Variants in SYNE1 observed in about 807,000 individuals in gnomAD.
The protein encoded by SYNE1 is nesprin-1.
Under a neutral mutation model 1,111.0 loss-of-function variants are expected in SYNE1, and 616 were observed. The observed-to-expected ratio is 0.55, with a 90% CI of 0.52 to 0.59. SYNE1 has a LOEUF of 0.59. SYNE1 is among the 20% of genes least tolerant of loss of function. The pLI is 0.00. For missense variants in SYNE1, 10,006 were observed against 10,417.0 expected (o/e 0.96, Z 1.72); for synonymous variants, 3,855 against 3,825.8 (o/e 1.01, Z -0.28).
At chr6:152,543,417 A>G (rs1398432689) in intron 3 of SYNE1, among the ~76,000 whole-genome samples, 7 of 152,184 alleles carry the variant, frequency 4.6e-5, no homozygotes, top group Non-Finnish European at 1.0e-4. Context: ...CTCATTTTTT[A>G]TGTAAAACTT....
chr6:152,386,961 CCA>C (rs2097535178), intron 54 of SYNE1, 109 bp downstream of exon 54: 1 of 949,900 alleles, frequency 1.1e-6, no homozygotes, highest in Non-Finnish European at 1.5e-6. Flanking sequence ...ACAATTTAAT[CCA>C]CAGTTTCTTC....
intron 43 of SYNE1, 75 bp downstream of exon 43, chr6:152,409,484 G>C: frequency 1.9e-6 from 3 of 1,561,068 alleles, no homozygotes; most frequent in Non-Finnish European, 2.6e-6. Flanking sequence ...TAAGAATAGT[G>C]CAGATAACTG....
Position 152,409,649 on chromosome 6 carries a change from A to G in SYNE1, c.6291T>C (p.Ala2097=), listed in dbSNP as rs767090248. ...LMREYQNLKS[A]VSKVLENASS... Reference sequence around the variant, plus strand: ...TGGCATTTTCTAAGACTTTAGATACAGCTGATTTCAGGTTCTGATATTCTC... The same window carrying G: ...TGGCATTTTCTAAGACTTTAGATACGGCTGATTTCAGGTTCTGATATTCTC... The change falls in exon 43 of 146, where the codon GCT becomes GCC. Residue 2097 remains alanine (A), a synonymous_variant. Transcript: ENST00000367255. The G allele has an allele frequency of 1.9e-6, 3 of 1,613,890 alleles. No homozygotes were observed. The Admixed American group carries it at 5.0e-5, about 27-fold the overall frequency.
At chr6:152,198,253 C>T (rs141598027) in intron 127 of SYNE1, among the ~76,000 whole-genome samples, 130 of 152,280 alleles carry the variant, frequency 8.5e-4, no homozygotes, top group African/African-American at 2.9e-3. Context: ...TGCCTGCTTC[C>T]ATCTTTTCTT....
rs2295191 is a variant in SYNE1 at position 152,122,621 on chromosome 6, C to T, written c.26209G>A (p.Gly8737Ser). 13,585 of 1,614,110 alleles carry T rather than the reference C, an allele frequency of 8.4e-3. 518 individuals carry two copies. In the East Asian group the frequency reaches 0.11, roughly 13 times the overall value. The part of the protein sequence containing the change: ...SLSEPGPGRS[G>S]RGFLFRVLRA... ...AGGACTCTGAACAGGAAGCCGCGGCCGGACCGACCTGGCCCTGGCTCAGAA... is the reference window on the plus strand; with the variant it reads ...AGGACTCTGAACAGGAAGCCGCGGCTGGACCGACCTGGCCCTGGCTCAGAA... The change falls in exon 146 of 146, where the codon GGC becomes AGC. Residue 8737 changes from glycine (G) to serine (S), a missense_variant. This residue lies in a region of SYNE1 where 761 missense variants were observed against 795.5 expected (regional missense o/e 0.96). Coordinates refer to ENST00000367255, the MANE Select transcript of SYNE1 (RefSeq NM_182961.4).
chr6:152,326,209 G>T, intron 79 of SYNE1, 87 bp downstream of exon 79: 3 of 1,610,582 alleles, frequency 1.9e-6, no homozygotes, highest in Non-Finnish European at 1.7e-6. Context: ...ATGAATTTAC[G>T]TGCTAATGTA....
At chr6:152,582,962 T>C (rs1045132956) in intron 3 of SYNE1, among the ~76,000 whole-genome samples, 1 of 152,212 alleles carries the variant, frequency 6.6e-6, no homozygotes. Flanking sequence ...TATTTAGTAA[T>C]TGTTTTGCTA....
At chr6:152,420,947 A>C (rs2098249577) in intron 39 of SYNE1, among the ~76,000 whole-genome samples, 1 of 152,216 alleles carries the variant, frequency 6.6e-6, no homozygotes, top group African/African-American at 2.4e-5. Flanking sequence ...AATGTATGGT[A>C]ATATAGTTAT....
chr6:152,439,724 T>C lies in SYNE1; in HGVS notation c.4149+1406A>G, dbSNP rs1426995124. Among the ~76,000 whole-genome samples the C allele has an allele frequency of 2.0e-5, 3 of 152,182 alleles. No individual in the cohort carries two copies. In the East Asian group the frequency reaches 5.8e-4, roughly 29 times the overall value. ...AACAGAAACACAAAGGTTTTCTTGC[T>C]AAAGGCTAGGGAAGGGTGGGCACAA... is the stretch of plus-strand genomic sequence containing the variant. On this transcript the variant is annotated intron_variant, in intron 32 of 145. Transcript: ENST00000367255.
chr6:152,631,698 G>C (rs1330048259), intron 2 of SYNE1, among the ~76,000 whole-genome samples: 1 of 152,120 alleles, frequency 6.6e-6, no homozygotes, highest in Admixed American at 6.5e-5. Context: ...AACAAAATTT[G>C]TAAGACTTGG....
At chr6:152,326,216 T>C (rs1446771559) in intron 79 of SYNE1, 80 bp downstream of exon 79, 2 of 1,611,124 alleles carry the variant, frequency 1.2e-6, no homozygotes, top group South Asian at 1.1e-5. Flanking sequence ...TACGTGCTAA[T>C]GTATATCATT....
Position 152,362,211 on chromosome 6 carries a change from C to G in SYNE1, c.10258G>C (p.Ala3420Pro), listed in dbSNP as rs1317020527. Reference protein sequence around the residue: ...ANLNESERQHAELRDKTTMLG... With the variant: ...ANLNESERQHPELRDKTTMLG... ...ATCGTTGTTTTATCCCGCAGCTCCG[C>G]ATGCTGCCTTTCTGATTCATTCAGG... Residue 3420 changes from alanine (A) to proline (P), a missense_variant, in exon 64 of 146, where the codon GCG becomes CCG. By Grantham distance (27) the Ala-to-Pro change is conservative. Around this residue, in one of 7 missense-constraint regions of SYNE1, gnomAD observed 4,955 missense variants for 5,017.2 expected, o/e 0.99. Coordinates refer to ENST00000367255, the MANE Select transcript of SYNE1 (RefSeq NM_182961.4). 2 of 1,614,128 alleles carry G rather than the reference C, an allele frequency of 1.2e-6. No homozygotes were observed. The highest frequency in any genetic ancestry group is 1.7e-6 in the Non-Finnish European group (2 of 1,180,056).
intron 41 of SYNE1, among the ~76,000 whole-genome samples, chr6:152,415,055 A>G (rs901163747): frequency 1.3e-5 from 2 of 152,190 alleles, no homozygotes; most frequent in African/African-American, 4.8e-5. Flanking sequence ...TCTTTCAGGA[A>G]CAACATAATC....
intron 6 of SYNE1, among the ~76,000 whole-genome samples, chr6:152,519,154 AAAAT>A (rs1459232380): frequency 2.0e-5 from 3 of 152,290 alleles, no homozygotes; most frequent in East Asian, 3.9e-4. Context: ...TTAAAAAAAG[AAAAT>A]AAATAAATAA....
chr6:152,515,623 C>T (rs530705611), intron 6 of SYNE1, among the ~76,000 whole-genome samples: 31 of 152,240 alleles, frequency 2.0e-4, no homozygotes, highest in Non-Finnish European at 4.3e-4. Flanking sequence ...ACTCAGTTCT[C>T]CTGTTACCAC....
chr6:152,296,778 TG>T (rs887748992), intron 93 of SYNE1, among the ~76,000 whole-genome samples: 10 of 152,098 alleles, frequency 6.6e-5, no homozygotes, highest in South Asian at 2.1e-4. Flanking sequence ...ATGGTAACAC[TG>T]GGCCCTGTGT....
At chr6:152,166,406 G>A (rs1432877711) in intron 130 of SYNE1, among the ~76,000 whole-genome samples, 1 of 152,122 alleles carries the variant, frequency 6.6e-6, no homozygotes, top group East Asian at 1.9e-4. Context: ...TGTGTATTAA[G>A]TTTTACTTCT....
intron 145 of SYNE1, chr6:152,128,659 C>G (rs778120501): frequency 6.6e-6 from 1 of 152,246 alleles, no homozygotes; most frequent in African/African-American, 2.4e-5. Flanking sequence ...AGGAAGAATG[C>G]GTATCTAAAA....
At chr6:152,595,544 G>A (rs994378280) in intron 3 of SYNE1, among the ~76,000 whole-genome samples, 1 of 152,048 alleles carries the variant, frequency 6.6e-6, no homozygotes, top group Admixed American at 6.5e-5. Context: ...TTAAATAGTA[G>A]GTGAATGAAT....
Sources: gnomAD v4.1 joint callset for allele counts (sites outside exome capture counted in the v4.1 genomes callset) on GRCh38, gnomAD v4.1.1 for gene constraint, gnomAD v4.1.1 regional missense constraint, MANE v1.5 for transcripts, NCBI Gene and HGNC (gene_info 2026-07-23, HGNC 2026-07-21) for gene names.